ZBTB44: variants seen among roughly 807,000 people sequenced by gnomAD.
ZBTB44 encodes the protein zinc finger and BTB domain containing 44, also known as zinc finger and BTB domain-containing protein 44.
Under a neutral mutation model 54.0 loss-of-function variants are expected in ZBTB44, and 15 were observed. That is an observed-to-expected ratio of 0.28 (90% CI 0.19 to 0.43). The LOEUF (loss-of-function observed/expected upper bound fraction) is 0.43, where lower values mean the gene tolerates loss of function less well. Ranked by LOEUF, ZBTB44 falls within the 20% of genes least tolerant of loss-of-function variation. The pLI, the probability that ZBTB44 is intolerant of heterozygous loss-of-function variation, is 1.00. For missense variants in ZBTB44, 487 were observed against 707.1 expected (o/e 0.69, Z 3.53); for synonymous variants, 230 against 250.1 (o/e 0.92, Z 0.76).
chr11:130,304,651 C>G (rs191477841), intron 1 of ZBTB44, among the ~76,000 whole-genome samples: 1 of 152,084 alleles, frequency 6.6e-6, no homozygotes, highest in Admixed American at 6.6e-5. Context: ...TTCCAGTGCT[C>G]TACATATTCA....
intron 2 of ZBTB44, among the ~76,000 whole-genome samples, chr11:130,251,585 C>A (rs1462947604): frequency 6.6e-6 from 1 of 152,124 alleles, no homozygotes; most frequent in Admixed American, 6.6e-5. Context: ...ATCAGACTAA[C>A]AGCGGATCTC....
At chr11:130,232,408 A>G (rs962343888) in intron 7 of ZBTB44, 1 of 152,218 alleles carries the variant, frequency 6.6e-6, no homozygotes, top group African/African-American at 2.4e-5. Context: ...TAATGGCACC[A>G]GATGAAAAGT....
intron 1 of ZBTB44, 27 bp downstream of exon 1, chr11:130,314,348 C>G (rs1942817000): frequency 6.5e-6 from 1 of 152,940 alleles, no homozygotes; most frequent in Non-Finnish European, 1.5e-5. Flanking sequence ...CCCGCGCGAC[C>G]GGAGCCCGCC....
At chr11:130,241,794 A>G (rs4597080) in intron 2 of ZBTB44, among the ~76,000 whole-genome samples, 1 of 152,124 alleles carries the variant, frequency 6.6e-6, no homozygotes, top group Admixed American at 6.6e-5. Flanking sequence ...TATGAAAAGT[A>G]TCATGTTTTG....
intron 2 of ZBTB44, among the ~76,000 whole-genome samples, chr11:130,259,827 T>G (rs968494665): frequency 2.0e-5 from 3 of 151,818 alleles, no homozygotes; most frequent in Non-Finnish European, 2.9e-5. Flanking sequence ...AGGGGAGAGA[T>G]AGCATTAGGA....
chr11:130,240,374 G>A (rs672980), intron 2 of ZBTB44, among the ~76,000 whole-genome samples: 94,679 of 151,556 alleles, frequency 0.62, 31,084 homozygotes, highest in Admixed American at 0.73. Flanking sequence ...TGATTTTAAA[G>A]AAAAACCACA....
At chr11:130,296,222 T>C (rs1941634528) in intron 1 of ZBTB44, 4 of 1,299,692 alleles carry the variant, frequency 3.1e-6, no homozygotes, top group Admixed American at 1.9e-5. Flanking sequence ...TTGATGATGA[T>C]AAAGCTAATA....
intron 1 of ZBTB44, among the ~76,000 whole-genome samples, chr11:130,312,223 A>G (rs531915339): frequency 1.3e-5 from 2 of 152,316 alleles, no homozygotes; most frequent in South Asian, 4.1e-4. Flanking sequence ...AAAACCACTA[A>G]GCAAAAGATT....
At chr11:130,233,836 G>A (rs1953988715) in intron 6 of ZBTB44, 2 of 1,174,346 alleles carry the variant, frequency 1.7e-6, no homozygotes, top group Non-Finnish European at 2.1e-6. Flanking sequence ...AATAAAATCA[G>A]TTTCAGGGCT....
chr11:130,228,030 T>A lies in ZBTB44; in HGVS notation c.*3734A>T, dbSNP rs1421848822. On this transcript the variant is annotated 3_prime_UTR_variant, in exon 8 of 8. Coordinates refer to ENST00000357899, the MANE Select transcript of ZBTB44 (RefSeq NM_001301098.2). ...TAAAATAGGCTACCTAGGATTTTTA[T>A]AAAATGGCTTTTGAAAAGATAGTAG... is the stretch of plus-strand genomic sequence containing the variant. 6.6e-6 allele frequency: 1 copy of A among 152,204 alleles called. No individual in the cohort carries two copies. The highest frequency in any genetic ancestry group is 1.5e-5 in the Non-Finnish European group (1 of 68,030). The allele number at this position is 152,204 out of a possible 1,614,324, so 9.4% of individuals were successfully genotyped here. A position where few individuals can be genotyped will look rare whatever the true frequency, so the allele number is the denominator to read the frequency against.
In ZBTB44 at chr11:130,299,505, A is replaced by G. The variant is rs183849641; in HGVS notation, c.-57+14870T>C. ...GAGGCAGAGGTCGCAGTGAGCCGAG[A>G]CCGTGCCATTGCACTCCAGCCTGGG... On this transcript the variant is annotated intron_variant, in intron 1 of 7. Transcript: ENST00000357899. Among the ~76,000 whole-genome samples, 738 of 151,450 alleles carry G rather than the reference A, an allele frequency of 4.9e-3. 6 individuals carry two copies. Among genetic ancestry groups the G allele is most frequent in the African/African-American group, 0.017 (718 of 41,198 alleles).
intron 1 of ZBTB44, among the ~76,000 whole-genome samples, chr11:130,277,512 G>A (rs1206869865): frequency 6.7e-6 from 1 of 150,292 alleles, no homozygotes; most frequent in East Asian, 1.9e-4. Context: ...ACACAGCTTT[G>A]CTCCTACCCA....
In ZBTB44 at chr11:130,229,891, GTTAGTA is replaced by G. The variant is rs1436372604; in HGVS notation, c.*1867_*1872del. 1 of 151,720 alleles carries G rather than the reference GTTAGTA, an allele frequency of 6.6e-6. No individual in the cohort carries two copies. The highest frequency in any genetic ancestry group is 1.9e-4 in the East Asian group (1 of 5,188). The allele number at this position is 151,720 out of a possible 1,614,324, so 9.4% of individuals were successfully genotyped here. On this transcript the variant is annotated 3_prime_UTR_variant, in exon 8 of 8. Transcript: ENST00000357899. ...ACTTCACACTAGTTTTTTTTTCCCA[GTTAGTA>G]TTAATATTTAGAAAATTTTTAATTC...
intron 7 of ZBTB44, 175 bp downstream of exon 7, chr11:130,233,133 T>TTTTAC: frequency 1.6e-6 from 1 of 609,914 alleles, no homozygotes; most frequent in Non-Finnish European, 2.7e-6. Context: ...TCTCCAGTAT[T>TTTTAC]TTTACTTTAT....
intron 1 of ZBTB44, among the ~76,000 whole-genome samples, chr11:130,300,500 A>C (rs1293115189): frequency 6.6e-6 from 1 of 152,236 alleles, no homozygotes; most frequent in Non-Finnish European, 1.5e-5. Context: ...AAAATAAGCA[A>C]AATTGATAAA....
intron 1 of ZBTB44, among the ~76,000 whole-genome samples, chr11:130,289,443 C>T (rs1333440113): frequency 1.4e-5 from 2 of 147,600 alleles, no homozygotes; most frequent in African/African-American, 5.1e-5. Flanking sequence ...GATCCCACTG[C>T]ACTTCCAGCT....
intron 2 of ZBTB44, among the ~76,000 whole-genome samples, chr11:130,248,342 G>A (rs1270321864): frequency 2.6e-5 from 4 of 152,166 alleles, no homozygotes; most frequent in Non-Finnish European, 4.4e-5. Flanking sequence ...TGAAGGCAAG[G>A]AAAAAACATC....
intron 1 of ZBTB44, among the ~76,000 whole-genome samples, chr11:130,269,195 A>T (rs1939491750): frequency 6.6e-6 from 1 of 152,040 alleles, no homozygotes; most frequent in Admixed American, 6.5e-5. Context: ...AGGCTGAGGC[A>T]GGTGAATCAC....
intron 1 of ZBTB44, among the ~76,000 whole-genome samples, chr11:130,313,194 T>C (rs576069129): frequency 6.6e-6 from 1 of 152,232 alleles, no homozygotes; most frequent in South Asian, 2.1e-4. Flanking sequence ...TTACTAGTTG[T>C]GTGCCCTAAG....
Sources: allele counts gnomAD v4.1 joint callset (sites outside exome capture counted in the v4.1 genomes callset), GRCh38; gene constraint gnomAD v4.1.1; transcripts MANE v1.5; gene names NCBI Gene and HGNC (gene_info 2026-07-23, HGNC 2026-07-21).